Variants in ASXL2 observed in about 807,000 individuals in gnomAD.
ASXL2 encodes the protein putative Polycomb group protein ASXL2.
Under a neutral mutation model 122.0 loss-of-function variants are expected in ASXL2, and 23 were observed. That is an observed-to-expected ratio of 0.19 (90% CI 0.14 to 0.27). The LOEUF is 0.27. Among genes scored for constraint, ASXL2 ranks in the 10% least tolerant of loss-of-function variants. ASXL2 has a pLI of 1.00. For synonymous variants in ASXL2, 650 were observed against 637.0 expected, an observed-to-expected ratio of 1.02 and a Z score of -0.31; for missense variants, 1,518 against 1,713.8, an observed-to-expected ratio of 0.89 and a Z score of 2.02.
intron 1 of ASXL2, among the ~76,000 whole-genome samples, chr2:25,855,615 G>A (rs2089767057): frequency 6.6e-6 from 1 of 152,074 alleles, no homozygotes; most frequent in South Asian, 2.1e-4. Context: ...GCAGTGAGCT[G>A]AGATCATGCC....
chr2:25,809,296 G>GAAAA (rs71399325), intron 3 of ASXL2, among the ~76,000 whole-genome samples: 6 of 143,946 alleles, frequency 4.2e-5, no homozygotes, highest in Non-Finnish European at 6.1e-5. Context: ...CACTTCTAAT[G>GAAAA]AAAAAAAAAA....
chr2:25,861,283 G>T (rs1257463859), intron 1 of ASXL2, among the ~76,000 whole-genome samples: 1 of 151,584 alleles, frequency 6.6e-6, no homozygotes, highest in East Asian at 1.9e-4. Flanking sequence ...AATGAAAGAA[G>T]AAATATCACT....
At chr2:25,747,894 C>T (rs1425104555) in intron 12 of ASXL2, among the ~76,000 whole-genome samples, 1 of 152,258 alleles carries the variant, frequency 6.6e-6, no homozygotes, top group East Asian at 1.9e-4. Context: ...ATTGGCCAGG[C>T]GTGGTGGCTC....
In ASXL2 at chr2:25,743,001, G is replaced by C; in HGVS notation, c.3336C>G (p.Gly1112=). The change falls in exon 13 of 13, where the codon GGC becomes GGG. Residue 1112 remains glycine (G), a synonymous_variant. Coordinates refer to ENST00000435504, the MANE Select transcript of ASXL2 (RefSeq NM_018263.6). Reference sequence around the variant, plus strand: ...CCATTGCAGGTTTGGATGTCCTTCTGCCAGCAAAACCCAGCATGAACCTCT... The same window carrying C: ...CCATTGCAGGTTTGGATGTCCTTCTCCCAGCAAAACCCAGCATGAACCTCT... The part of the protein sequence containing the change: ...TSQRFMLGFA[G]RRTSKPAMAG... The C allele has an allele frequency of 6.2e-7, 1 of 1,614,020 alleles. No individual in the cohort carries two copies. The highest frequency in any genetic ancestry group is 8.5e-7 in the Non-Finnish European group (1 of 1,179,906).
intron 4 of ASXL2, among the ~76,000 whole-genome samples, chr2:25,805,152 C>T (rs921377800): frequency 6.6e-6 from 1 of 152,162 alleles, no homozygotes; most frequent in Admixed American, 6.5e-5. Context: ...GGTTCTGATA[C>T]TATATGGGCA....
chr2:25,763,031 C>A (rs1035913100), intron 8 of ASXL2, among the ~76,000 whole-genome samples: 1 of 152,116 alleles, frequency 6.6e-6, no homozygotes, highest in Non-Finnish European at 1.5e-5. Context: ...AGATTTTAAA[C>A]ATGAAAACAT....
At chr2:25,757,510 C>T (rs903143649) in intron 9 of ASXL2, among the ~76,000 whole-genome samples, 2 of 147,950 alleles carry the variant, frequency 1.4e-5, no homozygotes, top group Admixed American at 6.7e-5. Flanking sequence ...AGAAAACACA[C>T]ACACACACAC....
At chr2:25,809,091 C>CAA (rs765531518) in intron 3 of ASXL2, among the ~76,000 whole-genome samples, 2 of 152,162 alleles carry the variant, frequency 1.3e-5, no homozygotes, top group Non-Finnish European at 2.9e-5. Flanking sequence ...AGAGCAGCTT[C>CAA]AAACCCAGAA....
rs187170465 is a variant in ASXL2 at position 25,843,946 on chromosome 2, A to C, written c.140+1535T>G. On this transcript the variant is annotated intron_variant, in intron 2 of 12. Coordinates refer to ENST00000435504, the MANE Select transcript of ASXL2 (RefSeq NM_018263.6). Reference sequence around the variant, plus strand: ...TTTGGGCATAGCTTACTGTTTCTCAATGGGAACACTATTGGCACCTGAGAT... The same window carrying C: ...TTTGGGCATAGCTTACTGTTTCTCACTGGGAACACTATTGGCACCTGAGAT... Among the ~76,000 whole-genome samples, 164 of 152,304 alleles carry C rather than the reference A, an allele frequency of 1.1e-3. 2 individuals carry two copies. The highest frequency in any genetic ancestry group is 2.8e-4 in the Non-Finnish European group (19 of 68,014).
chr2:25,752,346 GA>G (rs1401810247), intron 11 of ASXL2, among the ~76,000 whole-genome samples: 5 of 152,044 alleles, frequency 3.3e-5, no homozygotes, highest in African/African-American at 4.8e-5. Flanking sequence ...TGTTGGGGGG[GA>G]AAAACTGATT....
At chr2:25,858,264 G>A (rs1341970820) in intron 1 of ASXL2, among the ~76,000 whole-genome samples, 1 of 151,960 alleles carries the variant, frequency 6.6e-6, no homozygotes, top group Non-Finnish European at 1.5e-5. Context: ...CTTGGTCTCT[G>A]CCTAAATCCC....
intron 5 of ASXL2, among the ~76,000 whole-genome samples, chr2:25,788,095 G>C (rs969490233): frequency 6.6e-6 from 1 of 152,152 alleles, no homozygotes; most frequent in African/African-American, 2.4e-5. Context: ...TTATGACAGA[G>C]AACACTGCAA....
chr2:25,833,867 C>T (rs536931244), intron 3 of ASXL2, among the ~76,000 whole-genome samples: 1 of 152,200 alleles, frequency 6.6e-6, no homozygotes, highest in East Asian at 1.9e-4. Flanking sequence ...CTAATTTAGC[C>T]CAGCTGCAGT....
chr2:25,855,750 T>G (rs1239055502), intron 1 of ASXL2, among the ~76,000 whole-genome samples: 1 of 148,184 alleles, frequency 6.7e-6, no homozygotes, highest in Non-Finnish European at 1.5e-5. Flanking sequence ...CTGAGTGGAC[T>G]GCTTGATCCC....
chr2:25,788,662 G>C (rs941235056), intron 5 of ASXL2, among the ~76,000 whole-genome samples: 2 of 152,132 alleles, frequency 1.3e-5, no homozygotes, highest in African/African-American at 4.8e-5. Context: ...ATCGCATGTG[G>C]TTATAAGTTG....
intron 2 of ASXL2, among the ~76,000 whole-genome samples, chr2:25,842,222 G>A (rs1282924669): frequency 6.6e-6 from 1 of 151,944 alleles, no homozygotes; most frequent in Non-Finnish European, 1.5e-5. Flanking sequence ...CTGAAAAAGA[G>A]GTATCCAAAT....
chr2:25,770,278 G>A (rs1390517151), intron 6 of ASXL2, among the ~76,000 whole-genome samples: 1 of 151,788 alleles, frequency 6.6e-6, no homozygotes, highest in Non-Finnish European at 1.5e-5. Context: ...GCACGATCTC[G>A]GCTCACTGTA....
In ASXL2 at chr2:25,743,153, T is replaced by C; in HGVS notation, c.3184A>G (p.Thr1062Ala). ...AGAGTCTGAAGGATCTGATCTTGGG[T>C]TGCTTTACTTAGTCCTTCGTGGTAT... ...HQYHEGLSKA[T>A]QDQILQTLIQ... The change falls in exon 13 of 13, where the codon ACC (threonine) becomes GCC (alanine). Residue 1062 changes from threonine to alanine, a missense_variant. Around this residue, in one of 8 missense-constraint regions of ASXL2, gnomAD observed 831 missense variants for 833.1 expected, o/e 1.00. Transcript: ENST00000435504. 6.2e-7 allele frequency: 1 copy of C among 1,614,002 alleles called. No homozygotes were observed. The highest frequency in any genetic ancestry group is 1.6e-4 in the Middle Eastern group (1 of 6,062).
Position 25,743,604 on chromosome 2 carries a change from A to C in ASXL2, c.2733T>G (p.Ala911=), listed in dbSNP as rs745477485. The stretch of plus-strand genomic sequence containing the variant: ...AAGTGCTCGAGGGTGGAGCTGATCC[A>C]GCAGGTGCTGTAGTTGCACTGACCT... ...VPQVSATTAP[A]GSAPPSSTLP... is the part of the protein sequence containing the mutation. The change falls in exon 13 of 13, where the codon GCT becomes GCG. Residue 911 remains alanine, a synonymous_variant. Transcript: ENST00000435504. 2.5e-6 allele frequency: 4 copies of C among 1,614,046 alleles called. No homozygotes were observed. The highest frequency in any genetic ancestry group is 1.1e-5 in the South Asian group (1 of 91,090).
Sources: allele counts gnomAD v4.1 joint callset (sites outside exome capture counted in the v4.1 genomes callset), GRCh38; gene constraint gnomAD v4.1.1; regional missense constraint gnomAD v4.1.1; transcripts MANE v1.5; gene names NCBI Gene and HGNC (gene_info 2026-07-23, HGNC 2026-07-21).